The following FRYL variants were observed in gnomAD, a reference collection of about 807,000 sequenced individuals.
FRYL encodes the protein protein furry homolog-like.
Under a neutral mutation model 351.2 loss-of-function variants are expected in FRYL, and 150 were observed. The ratio of observed to expected loss-of-function variants is 0.43; its 90% confidence interval spans 0.37 to 0.49. The LOEUF is 0.49. Among genes scored for constraint, FRYL ranks in the 20% least tolerant of loss-of-function variants. FRYL has a pLI of 0.00. For missense variants in FRYL, 3,036 were observed against 3,619.3 expected (o/e 0.84, Z 4.13); for synonymous variants, 1,153 against 1,257.1 (o/e 0.92, Z 1.75).
chr4:48,536,465 A>G (rs376485561), intron 47 of FRYL, among the ~76,000 whole-genome samples: 2 of 152,190 alleles, frequency 1.3e-5, no homozygotes, highest in East Asian at 1.9e-4. Context: ...GGCTACTCCA[A>G]AATGTACTGA....
intron 3 of FRYL, among the ~76,000 whole-genome samples, chr4:48,680,735 T>C (rs1453605797): frequency 1.3e-5 from 2 of 152,136 alleles, no homozygotes; most frequent in Admixed American, 6.5e-5. Context: ...ACTTACAGCA[T>C]AAATATTTCT....
chr4:48,711,873 C>A (rs1413062852), intron 1 of FRYL, among the ~76,000 whole-genome samples: 1 of 152,152 alleles, frequency 6.6e-6, no homozygotes, highest in African/African-American at 2.4e-5. Flanking sequence ...GACAAAACTT[C>A]CAGAGGAACG....
chr4:48,766,122 C>T (rs753402090), intron 1 of FRYL, among the ~76,000 whole-genome samples: 20 of 152,156 alleles, frequency 1.3e-4, no homozygotes, highest in Non-Finnish European at 2.6e-4. Context: ...AGCAATTTCA[C>T]TATTGGGTAT....
At chr4:48,738,875 G>A (rs1268646615) in intron 1 of FRYL, among the ~76,000 whole-genome samples, 3 of 152,026 alleles carry the variant, frequency 2.0e-5, no homozygotes, top group East Asian at 3.8e-4. Flanking sequence ...CAATCTCAAT[G>A]AAAATTTCAG....
At chr4:48,566,659 C>T (rs539451404) in intron 28 of FRYL, among the ~76,000 whole-genome samples, 39 of 152,212 alleles carry the variant, frequency 2.6e-4, no homozygotes, top group Non-Finnish European at 5.3e-4. Flanking sequence ...AACAATGTGA[C>T]TTTAATTTTT....
intron 56 of FRYL, among the ~76,000 whole-genome samples, chr4:48,513,431 T>C (rs866512297): frequency 6.6e-6 from 1 of 152,154 alleles, no homozygotes; most frequent in African/African-American, 2.4e-5. Flanking sequence ...AGTCAGATTA[T>C]ACAAACAAAA....
chr4:48,579,493 GT>G (rs1740403571), intron 22 of FRYL, among the ~76,000 whole-genome samples: 1 of 151,998 alleles, frequency 6.6e-6, no homozygotes, highest in South Asian at 2.1e-4. Context: ...AACCAAAGAA[GT>G]TCAGGACCAC....
intron 1 of FRYL, among the ~76,000 whole-genome samples, chr4:48,713,911 A>G (rs1222787086): frequency 1.3e-5 from 2 of 152,218 alleles, no homozygotes; most frequent in African/African-American, 4.8e-5. Flanking sequence ...CAGAAATTAT[A>G]ACAAACTATC....
chr4:48,605,683 A>C, intron 11 of FRYL, 58 bp downstream of exon 11: 1 of 1,082,942 alleles, frequency 9.2e-7, no homozygotes, highest in East Asian at 2.4e-5. Context: ...TAAAAGTATA[A>C]GGTTGATAAG....
At chr4:48,719,256 T>C (rs1412584185) in intron 1 of FRYL, among the ~76,000 whole-genome samples, 1 of 151,670 alleles carries the variant, frequency 6.6e-6, no homozygotes. Flanking sequence ...GGCTGAACTC[T>C]TTGCTCTGTG....
rs1257846295 is a variant in FRYL, at chr4:48,589,888, A to G, written c.1508-11T>C. The G allele has an allele frequency of 4.4e-6, 7 of 1,601,216 alleles. No homozygotes were observed. The Middle Eastern group carries it at 5.0e-4, about 114-fold the overall frequency. On this transcript the variant is annotated splice_polypyrimidine_tract_variant and intron_variant, in intron 17 of 63. Coordinates refer to ENST00000358350, the MANE Select transcript of FRYL (RefSeq NM_015030.2). ...AGTAAACTGACATTCCTAGGGGAAA[A>G]AACTTCACAGTTATAAAATATCTGA... is the stretch of plus-strand genomic sequence containing the variant.
intron 1 of FRYL, among the ~76,000 whole-genome samples, chr4:48,759,939 T>C (rs1361648876): frequency 6.6e-6 from 1 of 152,178 alleles, no homozygotes; most frequent in Non-Finnish European, 1.5e-5. Flanking sequence ...GGTGTGGACA[T>C]CTTTGGAGGG....
intron 1 of FRYL, among the ~76,000 whole-genome samples, chr4:48,752,983 A>C (rs1399149567): frequency 6.6e-6 from 1 of 152,016 alleles, no homozygotes; most frequent in African/African-American, 2.4e-5. Flanking sequence ...AACTGAAATG[A>C]TTAGGTGGTT....
At chr4:48,622,425 G>T (rs1750846323) in intron 5 of FRYL, among the ~76,000 whole-genome samples, 1 of 152,130 alleles carries the variant, frequency 6.6e-6, no homozygotes, top group Non-Finnish European at 1.5e-5. Flanking sequence ...TGTACATACA[G>T]GGGCCAGAGC....
intron 41 of FRYL, 27 bp from the exon 42 acceptor site, chr4:48,546,298 C>T (rs1269061631): frequency 9.8e-6 from 15 of 1,531,906 alleles, no homozygotes; most frequent in Non-Finnish European, 1.4e-5. Flanking sequence ...GTCATGAATA[C>T]CTAAAACATG....
Position 48,634,273 on chromosome 4 carries a change from T to C in FRYL, c.120+18A>G. On this transcript the variant is annotated intron_variant, in intron 4 of 63. Transcript: ENST00000358350. ...AAGTCAAGAAAATATTTCAGATTTA[T>C]AGGTCAGCTGTACTCACCAAGGGTT... The C allele has an allele frequency of 1.3e-6, 2 of 1,574,816 alleles. No individual in the cohort carries two copies. Among genetic ancestry groups the C allele is most frequent in the Non-Finnish European group, 8.7e-7 (1 of 1,145,338 alleles).
intron 3 of FRYL, among the ~76,000 whole-genome samples, chr4:48,667,827 T>C (rs1761998386): frequency 6.6e-6 from 1 of 152,206 alleles, no homozygotes; most frequent in African/African-American, 2.4e-5. Flanking sequence ...TTTATATTTT[T>C]AGTAGAGACA....
rs553289748 is a variant in FRYL, at chr4:48,643,817, G to A, written c.-80-9327C>T. Among the ~76,000 whole-genome samples the A allele has an allele frequency of 7.2e-5, 11 of 152,164 alleles. No individual in the cohort carries two copies. The East Asian group carries it at 9.6e-4, about 13-fold the overall frequency. Reference sequence around the variant, plus strand: ...ACTTCATACAGAGGAAAGGACAAGCGCTTCCTAATATAAAAGAAGATATAA... The same window carrying A: ...ACTTCATACAGAGGAAAGGACAAGCACTTCCTAATATAAAAGAAGATATAA... On this transcript the variant is annotated intron_variant, in intron 3 of 63. Coordinates refer to ENST00000358350, the MANE Select transcript of FRYL (RefSeq NM_015030.2).
chr4:48,531,403 TAAG>T (rs1368395240), intron 49 of FRYL, 50 bp from the exon 50 acceptor site: 1 of 1,136,248 alleles, frequency 8.8e-7, no homozygotes, highest in Non-Finnish European at 1.3e-6. Context: ...CACATTCAAC[TAAG>T]AACAACAATT....
Sources: allele counts gnomAD v4.1 joint callset (sites outside exome capture counted in the v4.1 genomes callset), GRCh38; gene constraint gnomAD v4.1.1; transcripts MANE v1.5; gene names NCBI Gene and HGNC (gene_info 2026-07-23, HGNC 2026-07-21).